GRK7: variants seen among roughly 807,000 people sequenced by gnomAD.
GRK7 encodes rhodopsin kinase GRK7.
GRK7 carries 24 observed loss-of-function variants against 34.1 expected under a neutral mutation model. The observed-to-expected ratio is 0.70, with a 90% confidence interval of 0.51 to 0.99. GRK7 has a LOEUF of 0.99. Ranked by LOEUF, GRK7 falls within the 50% of genes least tolerant of loss-of-function variation. The pLI, the probability that GRK7 is intolerant of heterozygous loss-of-function variation, is 0.00. For missense variants in GRK7, 644 were observed against 707.3 expected (o/e 0.91, Z 1.02); for synonymous variants, 256 against 279.4 (o/e 0.92, Z 0.84).
Position 141,778,078 on chromosome 3 carries a change from C to T in GRK7, c.-113-94C>T, listed in dbSNP as rs755403690. The T allele has an allele frequency of 4.1e-5, 24 of 585,462 alleles. No individual in the cohort carries two copies. The highest frequency in any genetic ancestry group is 6.9e-5 in the Non-Finnish European group (24 of 349,516). 36.3% of individuals were successfully genotyped at this position (585,462 alleles called of 1,614,324 possible). A position where few individuals can be genotyped will look rare whatever the true frequency, so the allele number is the denominator to read the frequency against. ...TCGCCTTGGCAGGTGGGAGCATGAC[C>T]TATCGTGTGCAGTTCCTGGCGGGCT... On this transcript the variant is annotated intron_variant, in intron 2 of 5. Coordinates refer to ENST00000682958, the MANE Select transcript of GRK7 (RefSeq NM_139209.3). This position sits in a 1 kb window ranked among gnomAD's most constrained non-coding sequence, Gnocchi z 4.1.
the GRK7 span, among the ~76,000 whole-genome samples, chr3:141,752,870 T>C: frequency 6.6e-6 from 1 of 152,170 alleles, no homozygotes; most frequent in Non-Finnish European, 1.5e-5. Context: ...TTTTCATGAA[T>C]GTACCCAAGA....
chr3:141,791,239 T>C (rs1234214253), intron 4 of GRK7, among the ~76,000 whole-genome samples: 1 of 152,234 alleles, frequency 6.6e-6, no homozygotes, highest in Admixed American at 6.5e-5. Flanking sequence ...TCGAAGCATC[T>C]ATTGTACCAA....
At chr3:141,804,017 A>G (rs1472479741) in intron 4 of GRK7, among the ~76,000 whole-genome samples, 1 of 152,080 alleles carries the variant, frequency 6.6e-6, no homozygotes, top group Non-Finnish European at 1.5e-5. Flanking sequence ...CTAGTACTTC[A>G]TTCCTTTCTA....
rs191827549 is a variant in GRK7, at chr3:141,795,520, C to T, written c.1051-12125C>T. Among the ~76,000 whole-genome samples, 191 of 152,222 alleles carry T rather than the reference C, an allele frequency of 1.3e-3. 3 individuals are homozygous for T. Among genetic ancestry groups the T allele is most frequent in the African/African-American group, 4.4e-3 (184 of 41,514 alleles). ...GTCATGAGGTGGGAGGGGTGACTAA[C>T]GATACAACTAGAGAGTTTAGCAGAC... On this transcript the variant is annotated intron_variant, in intron 4 of 5. Coordinates refer to ENST00000682958, the MANE Select transcript of GRK7 (RefSeq NM_139209.3).
chr3:141,770,567 A>G (rs563528376), intron 1 of GRK7, among the ~76,000 whole-genome samples: 7 of 146,860 alleles, frequency 4.8e-5, no homozygotes, highest in African/African-American at 1.8e-4. Context: ...AGAAAAAAGA[A>G]AAAAAAAAAA....
chr3:141,808,435 C>T (rs774512608), intron 5 of GRK7, among the ~76,000 whole-genome samples: 3 of 152,130 alleles, frequency 2.0e-5, no homozygotes, highest in Admixed American at 6.5e-5. Context: ...AAGTAGAAGG[C>T]CGGGCAGGGT....
At position 141,815,194 on chromosome 3, in the gene GRK7, G is replaced by A. The variant is rs578223862; in HGVS notation, c.1326-1520G>A. On this transcript the variant is annotated intron_variant, in intron 5 of 5. Transcript: ENST00000682958. ...CCTGCCTTGGCCTCTCAAAGTGCTA[G>A]GATTACAGGCATGAGCCACCATGTC... Among the ~76,000 whole-genome samples the A allele has an allele frequency of 3.3e-5, 5 of 151,900 alleles. No homozygotes were observed. The South Asian group carries it at 1.0e-3, about 32-fold the overall frequency.
At position 141,778,275 on chromosome 3, in the gene GRK7, G is replaced by A. The variant is rs2084650272; in HGVS notation, c.-10G>A. On this transcript the variant is annotated 5_prime_UTR_variant, in exon 3 of 6. In the 5' UTR this introduces an upstream ATG that the reference lacks. Transcript: ENST00000682958. The surrounding 1 kb of genome is among the most constrained non-coding windows in gnomAD (Gnocchi z 4.1). ...TGTGCTTTCCCTGGGAGTGCGCCCC[G>A]TGCTCAGCCATGGTGGACATGGGGG... The A allele has an allele frequency of 6.5e-7, 1 of 1,548,144 alleles. No individual in the cohort carries two copies. Among genetic ancestry groups the A allele is most frequent in the Non-Finnish European group, 8.7e-7 (1 of 1,145,924 alleles).
At chr3:141,779,862 T>A (rs1219450658) in intron 3 of GRK7, among the ~76,000 whole-genome samples, 2 of 152,270 alleles carry the variant, frequency 1.3e-5, no homozygotes, top group Non-Finnish European at 1.5e-5. Context: ...TTCCTTTTTA[T>A]GGCTGTATAA....
intron 4 of GRK7, among the ~76,000 whole-genome samples, chr3:141,798,284 G>T (rs1237518889): frequency 6.6e-6 from 1 of 152,182 alleles, no homozygotes; most frequent in African/African-American, 2.4e-5. Flanking sequence ...ATGGGGGAGG[G>T]GCACTGGCAC....
chr3:141,756,420 G>T, the GRK7 span, among the ~76,000 whole-genome samples: 1 of 152,030 alleles, frequency 6.6e-6, no homozygotes, highest in Non-Finnish European at 1.5e-5. Context: ...AGGCACAAAA[G>T]ACTACTTAAC....
At chr3:141,803,259 T>TCTA (rs1217231032) in intron 4 of GRK7, among the ~76,000 whole-genome samples, 6 of 121,370 alleles carry the variant, frequency 4.9e-5, no homozygotes, top group African/African-American at 1.9e-4. Flanking sequence ...AAACCCTGTC[T>TCTA]CTACTGAAAA....
chr3:141,786,977 C>T (rs528977745), intron 4 of GRK7, among the ~76,000 whole-genome samples: 1 of 152,206 alleles, frequency 6.6e-6, no homozygotes, highest in African/African-American at 2.4e-5. Context: ...TGTAGGTGGA[C>T]TCTAGGCACT....
intron 4 of GRK7, among the ~76,000 whole-genome samples, chr3:141,798,301 G>A (rs185004820): frequency 5.9e-5 from 9 of 152,330 alleles, no homozygotes; most frequent in Admixed American, 4.6e-4. Context: ...GCACTGCCAG[G>A]CGTGCTAAAC....
rs1481230018 is a variant in GRK7, at chr3:141,805,884, A to G, written c.1051-1761A>G. ...CTCGTCTATCGCACTACAGCCTCGA[A>G]CTCCTTGGCTGAAGGGATCCTCCCA... On this transcript the variant is annotated intron_variant, in intron 4 of 5. Coordinates refer to ENST00000682958, the MANE Select transcript of GRK7 (RefSeq NM_139209.3). 3.9e-5 allele frequency among the ~76,000 whole-genome samples: 6 copies of G among 152,308 alleles called. No homozygotes were observed. The East Asian group carries it at 1.2e-3, about 29-fold the overall frequency.
At chr3:141,786,434 G>A (rs2084696434) in intron 4 of GRK7, among the ~76,000 whole-genome samples, 1 of 152,116 alleles carries the variant, frequency 6.6e-6, no homozygotes, top group Admixed American at 6.6e-5. Flanking sequence ...AGATATCACT[G>A]CCATGGTTGT....
intron 5 of GRK7, among the ~76,000 whole-genome samples, chr3:141,811,654 T>C (rs1057014237): frequency 6.6e-6 from 1 of 152,232 alleles, no homozygotes; most frequent in Non-Finnish European, 1.5e-5. Context: ...TCCAACACTT[T>C]TATTTCAACT....
Position 141,764,186 on chromosome 3 carries a change from T to C in GRK7, c.-1767T>C, listed in dbSNP as rs558930740. On this transcript the variant is annotated 5_prime_UTR_variant, in exon 1 of 6. Transcript: ENST00000682958. ...ATACCCACATGGCTGATGCTTCTCA[T>C]ACCCTGGCCTCTCCATCCCCTGATC... 1.8e-4 allele frequency among the ~76,000 whole-genome samples: 27 copies of C among 152,256 alleles called. No homozygotes were observed. Among genetic ancestry groups the C allele is most frequent in the African/African-American group, 6.5e-4 (27 of 41,554 alleles).
At chr3:141,766,556 C>T (rs1259779440) in intron 1 of GRK7, among the ~76,000 whole-genome samples, 5 of 152,152 alleles carry the variant, frequency 3.3e-5, no homozygotes, top group African/African-American at 7.2e-5. Context: ...GCAGACTCAC[C>T]GAAATTTCTA....
Sources: allele counts gnomAD v4.1 joint callset (sites outside exome capture counted in the v4.1 genomes callset), GRCh38; gene constraint gnomAD v4.1.1; non-coding constraint Gnocchi (gnomAD v3.1); transcripts MANE v1.5; gene names NCBI Gene and HGNC (gene_info 2026-07-23, HGNC 2026-07-21).